The following NCALD variants were observed in gnomAD, a reference collection of about 807,000 sequenced individuals.
NCALD encodes the protein neurocalcin delta.
NCALD carries 10 observed loss-of-function variants against 18.6 expected under a neutral mutation model. The ratio of observed to expected loss-of-function variants is 0.54; its 90% confidence interval spans 0.33 to 0.91. NCALD has a LOEUF of 0.91. NCALD is among the 40% of genes least tolerant of loss of function. The pLI, the probability that NCALD is intolerant of heterozygous loss-of-function variation, is 0.03. For missense variants in NCALD, 184 were observed against 247.6 expected, an observed-to-expected ratio of 0.74 and a Z score of 1.72; for synonymous variants, 88 against 87.4, an observed-to-expected ratio of 1.01 and a Z score of -0.04.
chr8:101,847,227 T>G (rs1814902873), intron 4 of NCALD: 1 of 202,788 alleles, frequency 4.9e-6, no homozygotes. Context: ...TTCCTTTCCC[T>G]TCTTCTTCTT....
intron 3 of NCALD, among the ~76,000 whole-genome samples, chr8:101,892,408 G>C (rs546683513): frequency 1.3e-5 from 2 of 149,004 alleles, no homozygotes; most frequent in Non-Finnish European, 2.9e-5. Flanking sequence ...CCACAAAGAC[G>C]GGGAAAAAAC....
At chr8:102,012,759 C>A (rs544433749) in intron 2 of NCALD, among the ~76,000 whole-genome samples, 1 of 152,220 alleles carries the variant, frequency 6.6e-6, no homozygotes, top group Non-Finnish European at 1.5e-5. Context: ...ACAAGTCTAC[C>A]CATTCTTTAA....
intron 4 of NCALD, among the ~76,000 whole-genome samples, chr8:101,878,779 G>C (rs1483875023): frequency 1.3e-5 from 2 of 152,172 alleles, no homozygotes; most frequent in South Asian, 2.1e-4. Flanking sequence ...TCCCACAGGT[G>C]CTAAACAGTG....
chr8:102,033,472 T>A (rs1822753940), intron 1 of NCALD, among the ~76,000 whole-genome samples: 1 of 152,176 alleles, frequency 6.6e-6, no homozygotes, highest in Non-Finnish European at 1.5e-5. Context: ...AATAAGCTAG[T>A]CACAAAATTT....
At chr8:101,832,897 C>T (rs1814246253) in intron 4 of NCALD, among the ~76,000 whole-genome samples, 1 of 152,190 alleles carries the variant, frequency 6.6e-6, no homozygotes, top group South Asian at 2.1e-4. Context: ...CCTGTCTGTC[C>T]ACCAGGCAAG....
At position 101,688,430 on chromosome 8, in the gene NCALD, A is replaced by C; in HGVS notation, c.*879T>G. ...GATATGACTTCCAAACAAGACAGACATTCATTATAGTTGTCTTACTTCACA... is the reference window on the plus strand; with the variant it reads ...GATATGACTTCCAAACAAGACAGACCTTCATTATAGTTGTCTTACTTCACA... On this transcript the variant is annotated 3_prime_UTR_variant, in exon 4 of 4. Coordinates refer to ENST00000220931, the MANE Select transcript of NCALD (RefSeq NM_032041.3). The C allele has an allele frequency of 3.6e-6, 1 of 277,724 alleles. No homozygotes were observed. The highest frequency in any genetic ancestry group is 7.2e-6 in the Non-Finnish European group (1 of 138,624). 17.2% of individuals were successfully genotyped at this position (277,724 alleles called of 1,614,324 possible). A position where few individuals can be genotyped will look rare whatever the true frequency, so the allele number is the denominator to read the frequency against.
At chr8:101,963,326 C>G (rs1819902582) in intron 2 of NCALD, among the ~76,000 whole-genome samples, 1 of 152,138 alleles carries the variant, frequency 6.6e-6, no homozygotes, top group Non-Finnish European at 1.5e-5. Context: ...ATCCAATCTC[C>G]TTTTCCTGGT....
chr8:102,079,494 C>G (rs1363637235), intron 1 of NCALD, among the ~76,000 whole-genome samples: 1 of 149,890 alleles, frequency 6.7e-6, no homozygotes, highest in Admixed American at 6.6e-5. Flanking sequence ...TGTCATGGAA[C>G]ATGATCTCTA....
At chr8:101,881,778 T>C (rs1269792704) in intron 4 of NCALD, among the ~76,000 whole-genome samples, 1 of 152,228 alleles carries the variant, frequency 6.6e-6, no homozygotes, top group East Asian at 1.9e-4. Context: ...CATGCTTGGC[T>C]GAGTAAATAT....
At chr8:101,886,891 G>A (rs559438008) in intron 4 of NCALD, among the ~76,000 whole-genome samples, 5 of 152,104 alleles carry the variant, frequency 3.3e-5, no homozygotes, top group South Asian at 2.1e-4. Flanking sequence ...TAAGGTTTCC[G>A]CTTAATCAGT....
At chr8:101,692,337 T>C in intron 3 of NCALD, 1 of 985,402 alleles carries the variant, frequency 1.0e-6, no homozygotes, top group African/African-American at 1.7e-5. Context: ...TCTCAGTGCA[T>C]GCACAGGAGA....
chr8:101,893,048 A>T (rs1162135644), intron 3 of NCALD, among the ~76,000 whole-genome samples: 1 of 150,120 alleles, frequency 6.7e-6, no homozygotes, highest in Non-Finnish European at 1.5e-5. Flanking sequence ...AGCAACTCCA[A>T]GACACATAAT....
At position 101,920,650 on chromosome 8, in the gene NCALD, T is replaced by C. The variant is rs1818129174; in HGVS notation, c.-156-4792A>G. Reference sequence around the variant, plus strand: ...GAGCAGAAAACCAAATATCACATGTTCTCACTTATAAGTGGGAGCTAAACA... The same window carrying C: ...GAGCAGAAAACCAAATATCACATGTCCTCACTTATAAGTGGGAGCTAAACA... On this transcript the variant is annotated intron_variant, in intron 2 of 6. Transcript: ENST00000311028. Among the ~76,000 whole-genome samples, 3 of 152,164 alleles carry C rather than the reference T, an allele frequency of 2.0e-5. No individual in the cohort carries two copies. The South Asian group carries it at 6.2e-4, about 32-fold the overall frequency.
chr8:101,880,220 C>G (rs1057203401), intron 4 of NCALD, among the ~76,000 whole-genome samples: 1 of 152,174 alleles, frequency 6.6e-6, no homozygotes, highest in Non-Finnish European at 1.5e-5. Context: ...CCTGGCGCAC[C>G]CTCCACAGCT....
chr8:102,015,939 A>G (rs1045814392), intron 2 of NCALD, among the ~76,000 whole-genome samples: 2 of 152,208 alleles, frequency 1.3e-5, no homozygotes, highest in African/African-American at 4.8e-5. Context: ...CACTCATTAA[A>G]AAGAAGAAGG....
intron 3 of NCALD, among the ~76,000 whole-genome samples, chr8:101,896,143 C>A (rs1182856053): frequency 6.6e-6 from 1 of 151,494 alleles, no homozygotes; most frequent in Admixed American, 6.6e-5. Context: ...ACCAAAACAG[C>A]ATGGTACTGG....
At chr8:101,693,220 G>A (rs758357517) in intron 2 of NCALD, 4 of 240,848 alleles carry the variant, frequency 1.7e-5, no homozygotes, top group South Asian at 1.6e-4. Flanking sequence ...GCACGCTTAC[G>A]GCTCACTGCA....
At chr8:101,777,210 T>C (rs1174364515) in intron 1 of NCALD, among the ~76,000 whole-genome samples, 1 of 152,184 alleles carries the variant, frequency 6.6e-6, no homozygotes, top group East Asian at 1.9e-4. Flanking sequence ...TGTTCATTCA[T>C]TCAGTCCCTG....
At chr8:101,786,319 A>G (rs1327223308) in intron 1 of NCALD, among the ~76,000 whole-genome samples, 2 of 152,178 alleles carry the variant, frequency 1.3e-5, no homozygotes, top group African/African-American at 4.8e-5. Context: ...AGCATATCTC[A>G]CTTGAGGATC....
Sources: allele counts gnomAD v4.1 joint callset (sites outside exome capture counted in the v4.1 genomes callset), GRCh38; gene constraint gnomAD v4.1.1; transcripts MANE v1.5; gene names NCBI Gene and HGNC (gene_info 2026-07-23, HGNC 2026-07-21).